CSRP2: variants seen among roughly 807,000 people sequenced by gnomAD.
CSRP2 encodes cysteine and glycine rich protein 2.
Under a neutral mutation model 24.6 loss-of-function variants are expected in CSRP2, and 18 were observed. That is an observed-to-expected ratio of 0.73 (90% CI 0.51 to 1.09). CSRP2 has a LOEUF of 1.09. Ranked by LOEUF, CSRP2 falls within the 50% of genes least tolerant of loss-of-function variation. The pLI is 0.00. For synonymous variants in CSRP2, 87 were observed against 84.3 expected (o/e 1.03, Z -0.18); for missense variants, 215 against 239.4 (o/e 0.90, Z 0.67).
chr12:76,874,077 TATAATAAATGACAC>T (rs1953828246), intron 1 of CSRP2, among the ~76,000 whole-genome samples: 1 of 152,096 alleles, frequency 6.6e-6, no homozygotes, highest in South Asian at 2.1e-4. Context: ...ACAATAGCAA[TATAATAAATGACAC>T]AGAGGCATGC....
chr12:76,867,236 C>T (rs965133782), intron 1 of CSRP2, among the ~76,000 whole-genome samples: 1 of 151,160 alleles, frequency 6.6e-6, no homozygotes, highest in African/African-American at 2.4e-5. Flanking sequence ...CGCCTGTAAT[C>T]CCAGCACTTT....
At position 76,860,288 on chromosome 12, in the gene CSRP2, C is replaced by G; in HGVS notation, c.407G>C (p.Gly136Ala). 6.2e-7 allele frequency: 1 copy of G among 1,613,656 alleles called. No homozygotes were observed. The highest frequency in any genetic ancestry group is 1.1e-5 in the South Asian group (1 of 91,024). The change falls in exon 4 of 6, where the codon GGA becomes GCA. Residue 136 changes from glycine (G) to alanine (A), a missense_variant. Gly to Ala is a moderately conservative substitution (Grantham distance 60). Transcript: ENST00000311083. ...TAATTCCAAATAGCACTTTACCTTT[C>G]CAGCTCCAATTATCTTCTCGGCAGC... ...VYAAEKIIGA[G>A]KPWHKNCFRC...
intron 1 of CSRP2, among the ~76,000 whole-genome samples, chr12:76,875,252 C>A (rs1419493972): frequency 6.6e-6 from 1 of 152,148 alleles, no homozygotes; most frequent in Non-Finnish European, 1.5e-5. Context: ...TTTTTATTAC[C>A]CCTCTCTGCT....
intron 1 of CSRP2, among the ~76,000 whole-genome samples, chr12:76,873,356 G>A (rs185760574): frequency 1.3e-5 from 2 of 152,314 alleles, no homozygotes; most frequent in East Asian, 1.9e-4. Flanking sequence ...TAGTTAATTG[G>A]AAATTAAGCT....
At chr12:76,862,770 C>T in intron 3 of CSRP2, 2 of 1,377,246 alleles carry the variant, frequency 1.5e-6, no homozygotes, top group South Asian at 1.8e-5. Flanking sequence ...AAAATGTTTA[C>T]ATAGAAGGAG....
At chr12:76,861,366 A>ATATT (rs1555191486) in intron 3 of CSRP2, 7 of 68,676 alleles carry the variant, frequency 1.0e-4, no homozygotes, top group African/African-American at 2.3e-4. Context: ...ATATATATAT[A>ATATT]TTTTTTTTTT....
intron 1 of CSRP2, among the ~76,000 whole-genome samples, chr12:76,872,921 A>T (rs1953815800): frequency 6.6e-6 from 1 of 152,162 alleles, no homozygotes; most frequent in Non-Finnish European, 1.5e-5. Flanking sequence ...GTGTTCCTGC[A>T]CTCATCAGAG....
intron 1 of CSRP2, among the ~76,000 whole-genome samples, chr12:76,869,725 A>C (rs551582879): frequency 6.6e-6 from 1 of 152,358 alleles, no homozygotes; most frequent in South Asian, 2.1e-4. Context: ...TAGGATCAGT[A>C]TCTTGCGACA....
intron 1 of CSRP2, among the ~76,000 whole-genome samples, chr12:76,874,595 C>G (rs961285702): frequency 6.6e-6 from 1 of 152,170 alleles, no homozygotes; most frequent in Non-Finnish European, 1.5e-5. Flanking sequence ...TCCGTTAGGT[C>G]AAGGGTTCCA....
At chr12:76,866,053 T>C (rs1218409051) in intron 2 of CSRP2, 96 bp downstream of exon 2, 9 of 851,894 alleles carry the variant, frequency 1.1e-5, no homozygotes, top group Non-Finnish European at 1.7e-5. Flanking sequence ...TTCAAAATGA[T>C]CTTTGTTGGC....
At chr12:76,869,529 A>AAAACACACACACACAC (rs1953771280) in intron 1 of CSRP2, among the ~76,000 whole-genome samples, 3 of 135,330 alleles carry the variant, frequency 2.2e-5, no homozygotes, top group African/African-American at 8.3e-5. Flanking sequence ...TAAAACAAAC[A>AAAACACACACACACAC]ACACACACAC....
rs576325759 is a variant in CSRP2, at chr12:76,862,369, C to T, written c.281+807G>A. On this transcript the variant is annotated intron_variant, in intron 3 of 5. Transcript: ENST00000311083. ...CAGCCTGGCCAATATGGTGAGACCC[C>T]GCCTCTACCAAAAATACAAAAATTA... 77 of 153,286 alleles carry T rather than the reference C, an allele frequency of 5.0e-4. 2 individuals carry two copies. In the South Asian group the frequency reaches 0.014, roughly 28 times the overall value. 9.5% of individuals were successfully genotyped at this position (153,286 alleles called of 1,614,324 possible).
At chr12:76,862,949 A>G in intron 3 of CSRP2, 2 of 1,492,608 alleles carry the variant, frequency 1.3e-6, no homozygotes, top group African/African-American at 2.8e-5. Context: ...TCCTTGATAC[A>G]GCTTGGAATG....
intron 1 of CSRP2, among the ~76,000 whole-genome samples, chr12:76,876,280 AC>A (rs199848201): frequency 6.6e-6 from 1 of 152,204 alleles, no homozygotes; most frequent in East Asian, 1.9e-4. Flanking sequence ...AAAACAAGGA[AC>A]CTGATATCCT....
chr12:76,859,349 T>C, intron 5 of CSRP2, 198 bp downstream of exon 5: 1 of 600,320 alleles, frequency 1.7e-6, no homozygotes, highest in Admixed American at 3.0e-5. Flanking sequence ...ATTTGTGGTG[T>C]TTTTATCTGG....
chr12:76,860,728 T>C (rs923871085), intron 3 of CSRP2: 6 of 201,708 alleles, frequency 3.0e-5, no homozygotes, highest in Non-Finnish European at 6.0e-5. Flanking sequence ...AGCAATTATG[T>C]TACGGTTTAT....
chr12:76,874,715 G>T (rs144068308), intron 1 of CSRP2, among the ~76,000 whole-genome samples: 1 of 152,172 alleles, frequency 6.6e-6, no homozygotes, highest in East Asian at 1.9e-4. Context: ...GAGGGTAAGC[G>T]AGCATTACCA....
chr12:76,865,745 T>A, intron 2 of CSRP2: 1 of 160,948 alleles, frequency 6.2e-6, no homozygotes, highest in East Asian at 1.8e-4. Context: ...TTGTTGTCAT[T>A]AAAGGGAACC....
Position 76,878,919 on chromosome 12 carries a change from C to A in CSRP2, c.-2+19G>T, listed in dbSNP as rs1301578884. On this transcript the variant is annotated intron_variant, in intron 1 of 5. Coordinates refer to ENST00000311083, the MANE Select transcript of CSRP2 (RefSeq NM_001321.3). Reference sequence around the variant, plus strand: ...CGGGGTTGGCGGCGCCGCGGAACCGCCCCACCGCCCCTACTCACTTGAGTC... The same window carrying A: ...CGGGGTTGGCGGCGCCGCGGAACCGACCCACCGCCCCTACTCACTTGAGTC... 1 of 152,250 alleles carries A rather than the reference C, an allele frequency of 6.6e-6. No homozygotes were observed. The highest frequency in any genetic ancestry group is 1.5e-5 in the Non-Finnish European group (1 of 68,090). 9.4% of individuals were successfully genotyped at this position (152,250 alleles called of 1,614,324 possible).
Sources: gnomAD v4.1 joint callset for allele counts (sites outside exome capture counted in the v4.1 genomes callset) on GRCh38, gnomAD v4.1.1 for gene constraint, MANE v1.5 for transcripts, NCBI Gene and HGNC (gene_info 2026-07-23, HGNC 2026-07-21) for gene names.